The following ARL8B variants were observed in gnomAD, a reference collection of about 807,000 sequenced individuals.
The protein encoded by ARL8B is ARF like GTPase 8B.
A neutral mutation model predicts 30.6 loss-of-function variants in ARL8B; 9 were observed. The observed-to-expected ratio is 0.29, with a 90% CI of 0.18 to 0.51. ARL8B has a LOEUF of 0.51. Among genes scored for constraint, ARL8B ranks in the 20% least tolerant of loss-of-function variants. ARL8B has a pLI of 0.97. For missense variants in ARL8B, 130 were observed against 227.2 expected, an observed-to-expected ratio of 0.57 and a Z score of 2.75; for synonymous variants, 74 against 76.0, an observed-to-expected ratio of 0.97 and a Z score of 0.14.
chr3:5,175,632 A>T (rs927140421), intron 6 of ARL8B, among the ~76,000 whole-genome samples: 2 of 152,240 alleles, frequency 1.3e-5, no homozygotes, highest in Non-Finnish European at 2.9e-5. Flanking sequence ...GAACAGCAGA[A>T]ACTTAAGTCA....
At chr3:5,138,717 A>G (rs778089806) in intron 1 of ARL8B, among the ~76,000 whole-genome samples, 1 of 152,202 alleles carries the variant, frequency 6.6e-6, no homozygotes, top group Non-Finnish European at 1.5e-5. Context: ...GCTACTGAAT[A>G]AATAATGATT....
At chr3:5,163,484 G>C (rs535266972) in intron 1 of ARL8B, among the ~76,000 whole-genome samples, 7 of 152,340 alleles carry the variant, frequency 4.6e-5, no homozygotes, top group African/African-American at 9.6e-5. Flanking sequence ...ATTGTCCATA[G>C]TGTTCTGAAA....
chr3:5,176,624 G>A (rs1175253700), intron 6 of ARL8B, among the ~76,000 whole-genome samples: 3 of 152,222 alleles, frequency 2.0e-5, no homozygotes, highest in Non-Finnish European at 4.4e-5. Flanking sequence ...CTCAGCCTTA[G>A]TAACAGCGGA....
At chr3:5,160,590 T>C (rs1468473448) in intron 1 of ARL8B, among the ~76,000 whole-genome samples, 1 of 152,184 alleles carries the variant, frequency 6.6e-6, no homozygotes, top group East Asian at 1.9e-4. Flanking sequence ...TAACAGGCAG[T>C]AGAGTTAGTT....
At chr3:5,171,360 A>AT (rs1383719444) in intron 2 of ARL8B, among the ~76,000 whole-genome samples, 6 of 151,904 alleles carry the variant, frequency 3.9e-5, no homozygotes, top group Non-Finnish European at 8.8e-5. Context: ...ATTTTATTTT[A>AT]TTTTTTTGAG....
At chr3:5,165,839 A>G (rs959231519) in intron 1 of ARL8B, among the ~76,000 whole-genome samples, 5 of 152,282 alleles carry the variant, frequency 3.3e-5, no homozygotes, top group Non-Finnish European at 5.9e-5. Flanking sequence ...TAAAAGAACA[A>G]TTGTGAAATC....
intron 1 of ARL8B, among the ~76,000 whole-genome samples, chr3:5,152,661 T>C (rs1371366550): frequency 6.6e-6 from 1 of 152,214 alleles, no homozygotes; most frequent in African/African-American, 2.4e-5. Flanking sequence ...AATTTTTAAA[T>C]TTTTTGTAGA....
intron 1 of ARL8B, among the ~76,000 whole-genome samples, chr3:5,144,412 T>C (rs1227797904): frequency 6.6e-6 from 1 of 152,226 alleles, no homozygotes; most frequent in African/African-American, 2.4e-5. Flanking sequence ...GTTACACAGC[T>C]TCCACGTACT....
Position 5,126,401 on chromosome 3 carries a change from G to A in ARL8B, c.123+3813G>A, listed in dbSNP as rs191243904. Among the ~76,000 whole-genome samples the A allele has an allele frequency of 3.4e-3, 521 of 152,204 alleles. 6 individuals carry two copies. The highest frequency in any genetic ancestry group is 0.012 in the African/African-American group (489 of 41,518). ...ATTTACTTATTCACATTTAAGAAGC[G>A]ACTTCTCAGGTATGAAAAGCTTCAG... On this transcript the variant is annotated intron_variant, in intron 1 of 6. Transcript: ENST00000256496.
chr3:5,141,792 G>C (rs1031823233), intron 1 of ARL8B, among the ~76,000 whole-genome samples: 2 of 152,152 alleles, frequency 1.3e-5, no homozygotes, highest in Admixed American at 1.3e-4. Context: ...TGTTTTTCCA[G>C]GCCATTGGGC....
chr3:5,167,316 G>A (rs949836651), intron 1 of ARL8B, among the ~76,000 whole-genome samples: 2 of 152,108 alleles, frequency 1.3e-5, no homozygotes, highest in East Asian at 1.9e-4. Flanking sequence ...TCTTATCCAT[G>A]GTTTTGCTTT....
chr3:5,127,437 G>A (rs1377784937), intron 1 of ARL8B, among the ~76,000 whole-genome samples: 1 of 152,120 alleles, frequency 6.6e-6, no homozygotes, highest in African/African-American at 2.4e-5. Flanking sequence ...AAATACAGAC[G>A]TAATGAGTAC....
In ARL8B at chr3:5,173,946, TATCA is replaced by T. The variant is rs531119865; in HGVS notation, c.373-69_373-66del. The T allele has an allele frequency of 4.5e-5, 50 of 1,115,284 alleles. No individual in the cohort carries two copies. In the South Asian group the frequency reaches 5.9e-4, roughly 13 times the overall value. The allele number at this position is 1,115,284 out of a possible 1,614,324, so 69.1% of individuals were successfully genotyped here. A position where few individuals can be genotyped will look rare whatever the true frequency, so the allele number is the denominator to read the frequency against. On this transcript the variant is annotated intron_variant, in intron 4 of 6. Transcript: ENST00000256496. ...AACATCTTAACTTTGTGTCTTCACA[TATCA>T]AGATGATAAACTTCTGTGACTTTTT...
intron 4 of ARL8B, 30 bp from the exon 5 acceptor site, chr3:5,173,987 G>C (rs553989442): frequency 4.0e-6 from 6 of 1,512,534 alleles, no homozygotes; most frequent in Non-Finnish European, 5.5e-6. Context: ...TTGCATAAAC[G>C]TGTGCTCTTA....
intron 4 of ARL8B, among the ~76,000 whole-genome samples, chr3:5,173,051 C>A (rs1477061641): frequency 6.6e-6 from 1 of 152,130 alleles, no homozygotes; most frequent in Non-Finnish European, 1.5e-5. Context: ...AAGGTAGATA[C>A]TCTGAAAACA....
At chr3:5,127,589 T>C (rs2054241201) in intron 1 of ARL8B, among the ~76,000 whole-genome samples, 1 of 152,030 alleles carries the variant, frequency 6.6e-6, no homozygotes, top group Non-Finnish European at 1.5e-5. Flanking sequence ...AATATTATGT[T>C]TGGATATTTA....
intron 1 of ARL8B, among the ~76,000 whole-genome samples, chr3:5,170,279 G>A (rs1368814202): frequency 3.3e-5 from 5 of 152,130 alleles, no homozygotes; most frequent in African/African-American, 1.2e-4. Flanking sequence ...AATTACATTA[G>A]TTTCAAAAAT....
intron 2 of ARL8B, among the ~76,000 whole-genome samples, chr3:5,171,259 A>G (rs1009324304): frequency 3.9e-5 from 6 of 152,190 alleles, no homozygotes; most frequent in Non-Finnish European, 8.8e-5. Flanking sequence ...TGAGACTTTA[A>G]TGTAGCCCAG....
rs747994602 is a variant in ARL8B at position 5,170,572 on chromosome 3, G to A, written c.193G>A (p.Val65Ile). 10 of 1,610,624 alleles carry A rather than the reference G, an allele frequency of 6.2e-6. No homozygotes were observed. Among genetic ancestry groups the A allele is most frequent in the African/African-American group, 1.3e-5 (1 of 74,832 alleles). Residue 65 changes from valine (V) to isoleucine (I), a missense_variant, in exon 2 of 7, where the codon GTC (valine) becomes ATC (isoleucine). Val to Ile is a conservative substitution (Grantham distance 29). Transcript: ENST00000256496. ...FNMRKVTKGN[V>I]TIKIWDIGGQ... Reference sequence around the variant, plus strand: ...CATGAGGAAGGTAACTAAAGGTAACGTCACAATAAAGGTAAGTTATTTCTT... The same window carrying A: ...CATGAGGAAGGTAACTAAAGGTAACATCACAATAAAGGTAAGTTATTTCTT...
Sources: gnomAD v4.1 joint callset for allele counts (sites outside exome capture counted in the v4.1 genomes callset) on GRCh38, gnomAD v4.1.1 for gene constraint, MANE v1.5 for transcripts, NCBI Gene and HGNC (gene_info 2026-07-23, HGNC 2026-07-21) for gene names.